The following GXYLT2 variants were observed in gnomAD, a reference collection of about 807,000 sequenced individuals.
The protein encoded by GXYLT2 is glycosyltransferase 8 domain containing 4.
GXYLT2 carries 53 observed loss-of-function variants against 45.8 expected under a neutral mutation model. That is an observed-to-expected ratio of 1.16 (90% CI 0.93 to 1.46). The LOEUF is 1.46. Ranked by LOEUF, GXYLT2 falls within the 40% of genes most tolerant of loss-of-function variation. GXYLT2 has a pLI of 0.00. For missense variants in GXYLT2, 551 were observed against 544.4 expected (o/e 1.01, Z -0.12); for synonymous variants, 219 against 214.2 (o/e 1.02, Z -0.19).
chr3:72,937,427 G>C (rs1197550436), intron 3 of GXYLT2, among the ~76,000 whole-genome samples: 2 of 152,188 alleles, frequency 1.3e-5, no homozygotes, highest in African/African-American at 4.8e-5. Context: ...TGTATGGTAG[G>C]TGGCCAATGA....
chr3:72,969,117 G>T (rs1710934421), intron 6 of GXYLT2, among the ~76,000 whole-genome samples: 2 of 151,970 alleles, frequency 1.3e-5, no homozygotes, highest in South Asian at 4.1e-4. Flanking sequence ...GTGGGCTAGG[G>T]ATGGGAAAAG....
intron 1 of GXYLT2, among the ~76,000 whole-genome samples, chr3:72,895,410 T>A (rs1187720645): frequency 6.6e-6 from 1 of 152,202 alleles, no homozygotes; most frequent in African/African-American, 2.4e-5. Context: ...ATTTGTTACT[T>A]GCTACCAGAG....
At chr3:72,966,458 C>CTCT (rs781623744) in intron 5 of GXYLT2, among the ~76,000 whole-genome samples, 1 of 101,640 alleles carries the variant, frequency 9.8e-6, no homozygotes, top group Admixed American at 1.3e-4. Context: ...TTGTGTGTAT[C>CTCT]TTTTTTTTTT....
chr3:72,948,365 GC>G (rs1317235122), intron 3 of GXYLT2, among the ~76,000 whole-genome samples: 1 of 152,128 alleles, frequency 6.6e-6, no homozygotes, highest in East Asian at 1.9e-4. Flanking sequence ...CGTATCCTGG[GC>G]CATAAAACAA....
rs184524409 is a variant in GXYLT2, at chr3:72,957,420, A to G, written c.976+68A>G. 1.5e-3 allele frequency: 2,274 copies of G among 1,471,118 alleles called. 26 individuals carry two copies. Among genetic ancestry groups the G allele is most frequent in the South Asian group, 0.014 (1,100 of 78,280 alleles). The allele number at this position is 1,471,118 out of a possible 1,614,324, so 91.1% of individuals were successfully genotyped here. A position where few individuals can be genotyped will look rare whatever the true frequency, so the allele number is the denominator to read the frequency against. On this transcript the variant is annotated intron_variant, in intron 5 of 6. Transcript: ENST00000389617. ...CAGCACACCCCACGGAGCACATTCCATGCCCGGGTTGCTATTGACTAGGCT... is the reference window on the plus strand; with the variant it reads ...CAGCACACCCCACGGAGCACATTCCGTGCCCGGGTTGCTATTGACTAGGCT...
chr3:72,916,314 G>GAA (rs1056060484), intron 2 of GXYLT2, among the ~76,000 whole-genome samples: 3 of 128,116 alleles, frequency 2.3e-5, no homozygotes, highest in African/African-American at 8.7e-5. Context: ...CAAACTTTAG[G>GAA]AAAAAAAAAA....
intron 3 of GXYLT2, among the ~76,000 whole-genome samples, chr3:72,935,185 TAAA>T (rs1575799696): frequency 6.6e-6 from 1 of 152,080 alleles, no homozygotes; most frequent in Non-Finnish European, 1.5e-5. Context: ...CAATATGTAT[TAAA>T]GAAGCATGGG....
At chr3:72,971,056 C>G (rs1453548097) in intron 6 of GXYLT2, among the ~76,000 whole-genome samples, 1 of 152,168 alleles carries the variant, frequency 6.6e-6, no homozygotes, top group Non-Finnish European at 1.5e-5. Flanking sequence ...CAGGGGCAAA[C>G]TCATTCAGGA....
At chr3:72,926,994 G>T in intron 3 of GXYLT2, 1 of 152,294 alleles carries the variant, frequency 6.6e-6, no homozygotes, top group Non-Finnish European at 1.5e-5. Context: ...CTAGAGTGCA[G>T]TGGTGCAATC....
chr3:72,904,588 A>G (rs1709468799), intron 1 of GXYLT2, among the ~76,000 whole-genome samples: 1 of 152,002 alleles, frequency 6.6e-6, no homozygotes. Context: ...GAAGCCTGCA[A>G]AGAAGAGAAG....
In GXYLT2 at chr3:72,909,042, C is replaced by G. The variant is rs183917921; in HGVS notation, c.468+483C>G. Among the ~76,000 whole-genome samples, 307 of 132,040 alleles carry G rather than the reference C, an allele frequency of 2.3e-3. 4 individuals are homozygous for G. The highest frequency in any genetic ancestry group is 7.9e-3 in the African/African-American group (279 of 35,112). 86.6% of individuals were successfully genotyped at this position (132,040 alleles called of 152,430 possible). On this transcript the variant is annotated intron_variant, in intron 2 of 6. Coordinates refer to ENST00000389617, the MANE Select transcript of GXYLT2 (RefSeq NM_001080393.2). Reference sequence around the variant, plus strand: ...TGCCCAGCCCCCGTTTTTTCCTTTTCTTTCTTTCTTTCTTCCTTTCTTTTT... The same window carrying G: ...TGCCCAGCCCCCGTTTTTTCCTTTTGTTTCTTTCTTTCTTCCTTTCTTTTT...
At chr3:72,944,566 T>A (rs898438305) in intron 3 of GXYLT2, among the ~76,000 whole-genome samples, 1 of 152,130 alleles carries the variant, frequency 6.6e-6, no homozygotes, top group Non-Finnish European at 1.5e-5. Context: ...TTTTTATGTA[T>A]GTAGGTGATA....
chr3:72,943,671 C>T (rs545446962), intron 3 of GXYLT2, among the ~76,000 whole-genome samples: 1 of 152,040 alleles, frequency 6.6e-6, no homozygotes, highest in Non-Finnish European at 1.5e-5. Context: ...TTACAGCACC[C>T]AGCCTCTTTT....
intron 3 of GXYLT2, among the ~76,000 whole-genome samples, chr3:72,949,664 A>G (rs1710479872): frequency 1.3e-5 from 2 of 151,372 alleles, no homozygotes; most frequent in Non-Finnish European, 2.9e-5. Context: ...GGCACGTGAC[A>G]CCATGCCCAG....
chr3:72,972,640 C>T (rs1215719457), intron 6 of GXYLT2, among the ~76,000 whole-genome samples: 2 of 30,496 alleles, frequency 6.6e-5, no homozygotes, highest in Non-Finnish European at 9.8e-5. Context: ...GACTCTGTCT[C>T]GGAAAAAAAA....
intron 3 of GXYLT2, among the ~76,000 whole-genome samples, chr3:72,935,947 G>C (rs1316506886): frequency 3.9e-5 from 6 of 152,188 alleles, no homozygotes; most frequent in Non-Finnish European, 8.8e-5. Flanking sequence ...GGACGTGAAA[G>C]GAGTATCAGG....
chr3:72,929,594 C>G, intron 3 of GXYLT2: 2 of 1,043,144 alleles, frequency 1.9e-6, no homozygotes, highest in Non-Finnish European at 3.0e-6. Context: ...ATAACGAAAG[C>G]TAAGCCTCAG....
At chr3:72,937,910 T>C (rs1710221668) in intron 3 of GXYLT2, among the ~76,000 whole-genome samples, 1 of 152,216 alleles carries the variant, frequency 6.6e-6, no homozygotes, top group Non-Finnish European at 1.5e-5. Flanking sequence ...CTACACACTT[T>C]ACTCATTTAT....
chr3:72,931,607 C>A (rs549865500), intron 3 of GXYLT2, among the ~76,000 whole-genome samples: 1 of 152,024 alleles, frequency 6.6e-6, no homozygotes, highest in African/African-American at 2.4e-5. Flanking sequence ...AATGAAGATA[C>A]AACATACCAG....
Sources: allele counts gnomAD v4.1 joint callset (sites outside exome capture counted in the v4.1 genomes callset), GRCh38; gene constraint gnomAD v4.1.1; transcripts MANE v1.5; gene names NCBI Gene and HGNC (gene_info 2026-07-23, HGNC 2026-07-21).